Variants in CDK14 observed in about 807,000 individuals in gnomAD.
CDK14 encodes cyclin dependent kinase 14.
In CDK14, 34 loss-of-function variants were observed where a neutral mutation model predicts 60.7. That is an observed-to-expected ratio of 0.56 (90% CI 0.43 to 0.75). The LOEUF is 0.75. CDK14 is among the 30% of genes least tolerant of loss of function. CDK14 has a pLI of 0.00. For missense variants in CDK14, 482 were observed against 564.1 expected (o/e 0.85, Z 1.47); for synonymous variants, 197 against 203.7 (o/e 0.97, Z 0.28).
At chr7:90,783,726 G>A (rs937408976) in intron 4 of CDK14, among the ~76,000 whole-genome samples, 6 of 152,116 alleles carry the variant, frequency 3.9e-5, no homozygotes, top group African/African-American at 1.4e-4. Flanking sequence ...ACCATAGTGA[G>A]ATATCATCTC....
chr7:90,990,255 G>A (rs746176904), intron 10 of CDK14, among the ~76,000 whole-genome samples: 23 of 152,132 alleles, frequency 1.5e-4, no homozygotes, highest in Non-Finnish European at 2.6e-4. Flanking sequence ...TCCAGCCTGC[G>A]TGACAGAGTG....
intron 2 of CDK14, among the ~76,000 whole-genome samples, chr7:90,657,120 C>T (rs900617006): frequency 2.0e-5 from 3 of 152,096 alleles, no homozygotes; most frequent in Non-Finnish European, 4.4e-5. Flanking sequence ...ATTTATGTAA[C>T]TCCTTCTCCC....
At chr7:90,814,724 C>T (rs1443425846) in intron 5 of CDK14, among the ~76,000 whole-genome samples, 6 of 152,078 alleles carry the variant, frequency 3.9e-5, no homozygotes, top group African/African-American at 9.7e-5. Flanking sequence ...TGCAGTGAGC[C>T]GAGATTGTGC....
At chr7:90,743,926 TGA>T (rs1282805563) in intron 3 of CDK14, among the ~76,000 whole-genome samples, 1 of 152,186 alleles carries the variant, frequency 6.6e-6, no homozygotes, top group African/African-American at 2.4e-5. Context: ...TTTTTTAATC[TGA>T]GAGCTTTTCC....
At chr7:91,030,439 AC>A (rs890358964) in intron 10 of CDK14, among the ~76,000 whole-genome samples, 14 of 152,242 alleles carry the variant, frequency 9.2e-5, no homozygotes, top group African/African-American at 2.9e-4. Flanking sequence ...TGGGCATAGC[AC>A]CCAGAGGCTC....
intron 2 of CDK14, among the ~76,000 whole-genome samples, chr7:90,707,442 C>T (rs1039044126): frequency 1.3e-5 from 2 of 152,238 alleles, no homozygotes; most frequent in South Asian, 2.1e-4. Context: ...GTGGCCTCCC[C>T]ACTTCCCTTC....
chr7:90,891,415 C>T (rs1483499255), intron 6 of CDK14, among the ~76,000 whole-genome samples: 1 of 152,164 alleles, frequency 6.6e-6, no homozygotes, highest in Non-Finnish European at 1.5e-5. Flanking sequence ...CAAAATATAA[C>T]AAATTTGGTG....
At chr7:90,714,080 T>C (rs1481244771) in intron 2 of CDK14, among the ~76,000 whole-genome samples, 4 of 152,100 alleles carry the variant, frequency 2.6e-5, no homozygotes, top group African/African-American at 9.7e-5. Flanking sequence ...CCAAGATCCT[T>C]CTGTAGTTTG....
intron 2 of CDK14, among the ~76,000 whole-genome samples, chr7:90,689,771 G>A (rs993759622): frequency 2.6e-5 from 4 of 152,052 alleles, no homozygotes; most frequent in East Asian, 3.9e-4. Flanking sequence ...CCTCAAAATA[G>A]CATTTGAAAA....
At chr7:90,967,928 T>C (rs3808269) in intron 9 of CDK14, among the ~76,000 whole-genome samples, 113,694 of 152,138 alleles carry the variant, frequency 0.75, 42,577 homozygotes, top group East Asian at 0.78. Context: ...ATAAATGTCA[T>C]TGTGTGACAA....
intron 4 of CDK14, among the ~76,000 whole-genome samples, chr7:90,785,295 T>G (rs1279144537): frequency 2.6e-5 from 4 of 152,244 alleles, no homozygotes; most frequent in Admixed American, 2.6e-4. Flanking sequence ...TTTGTAATTT[T>G]GTTTTCTTGT....
intron 14 of CDK14, among the ~76,000 whole-genome samples, chr7:91,122,479 A>G (rs1799808571): frequency 6.6e-6 from 1 of 152,144 alleles, no homozygotes; most frequent in Admixed American, 6.5e-5. Flanking sequence ...ACGTTAGTAG[A>G]ATGGTGGTTC....
At chr7:90,797,516 C>T (rs1788482037) in intron 5 of CDK14, among the ~76,000 whole-genome samples, 1 of 151,944 alleles carries the variant, frequency 6.6e-6, no homozygotes, top group African/African-American at 2.4e-5. Flanking sequence ...CAGTTCAGCC[C>T]ATAACAGCAC....
chr7:90,683,617 A>G (rs1337550931), intron 2 of CDK14, among the ~76,000 whole-genome samples: 4 of 152,206 alleles, frequency 2.6e-5, no homozygotes, highest in Non-Finnish European at 5.9e-5. Context: ...CCTGGCCAAC[A>G]TGGTGAAACC....
At chr7:90,804,883 C>A (rs991868925) in intron 5 of CDK14, among the ~76,000 whole-genome samples, 2 of 152,048 alleles carry the variant, frequency 1.3e-5, no homozygotes, top group Non-Finnish European at 2.9e-5. Flanking sequence ...TCATGTATAA[C>A]TTCTAAAAAT....
intron 2 of CDK14, among the ~76,000 whole-genome samples, chr7:90,668,112 T>C (rs1195432503): frequency 6.6e-6 from 1 of 152,196 alleles, no homozygotes; most frequent in Non-Finnish European, 1.5e-5. Context: ...TTTTCCAAAG[T>C]GATTGCAACA....
chr7:90,847,076 G>A (rs1790492704), intron 5 of CDK14, among the ~76,000 whole-genome samples: 1 of 152,134 alleles, frequency 6.6e-6, no homozygotes, highest in South Asian at 2.1e-4. Context: ...GGGAAGGAGG[G>A]TTTGTAATTG....
intron 12 of CDK14, among the ~76,000 whole-genome samples, chr7:91,088,141 A>G (rs901274792): frequency 2.0e-5 from 3 of 152,194 alleles, no homozygotes; most frequent in African/African-American, 7.2e-5. Context: ...ACTAAAAGTA[A>G]TTATCCTTGC....
chr7:90,938,053 G>A (rs982595825), intron 8 of CDK14, among the ~76,000 whole-genome samples: 1 of 152,138 alleles, frequency 6.6e-6, no homozygotes, highest in African/African-American at 2.4e-5. Flanking sequence ...AGAATAGTTT[G>A]GAATCTTTAT....
Sources: gnomAD v4.1 joint callset for allele counts (sites outside exome capture counted in the v4.1 genomes callset) on GRCh38, gnomAD v4.1.1 for gene constraint, MANE v1.5 for transcripts, NCBI Gene and HGNC (gene_info 2026-07-23, HGNC 2026-07-21) for gene names.